Variants in SLC6A2 observed in about 807,000 individuals in gnomAD.
The protein encoded by SLC6A2 is sodium-dependent noradrenaline transporter.
Under a neutral mutation model 71.7 loss-of-function variants are expected in SLC6A2, and 26 were observed. The ratio of observed to expected loss-of-function variants is 0.36; its 90% CI spans 0.27 to 0.50. The LOEUF (loss-of-function observed/expected upper bound fraction) is 0.50. SLC6A2 is among the 20% of genes least tolerant of loss of function. The pLI is 0.96. For synonymous variants in SLC6A2, 363 were observed against 337.9 expected (o/e 1.07, Z -0.82); for missense variants, 581 against 803.9 (o/e 0.72, Z 3.35).
At chr16:55,663,789 G>T (rs1964673496) in intron 2 of SLC6A2, among the ~76,000 whole-genome samples, 3 of 152,076 alleles carry the variant, frequency 2.0e-5, no homozygotes, top group Admixed American at 2.0e-4. Flanking sequence ...CCTTCCATCT[G>T]CTCCCTTATC....
chr16:55,685,074 T>A (rs1238131289), intron 4 of SLC6A2, 69 bp from the exon 5 acceptor site: 2 of 1,502,322 alleles, frequency 1.3e-6, no homozygotes, highest in African/African-American at 2.8e-5. Flanking sequence ...GGGACTGGTC[T>A]GTGGTCACGG....
chr16:55,663,024 A>G (rs1964651821), intron 2 of SLC6A2, among the ~76,000 whole-genome samples: 1 of 152,160 alleles, frequency 6.6e-6, no homozygotes, highest in South Asian at 2.1e-4. Flanking sequence ...TCCCACAAGA[A>G]TGCCCCTCAC....
At position 55,703,405 on chromosome 16, in the gene SLC6A2, G is replaced by A. The variant is rs1966032790; in HGVS notation, c.*1059G>A. On this transcript the variant is annotated 3_prime_UTR_variant, in exon 15 of 15. Coordinates refer to ENST00000568943, the MANE Select transcript of SLC6A2 (RefSeq NM_001172501.3). ...TGGACCAGGGGTCTTGAGAAATGGA[G>A]AGTTGGCTGCAAAAACTCTCATGCA... The A allele has an allele frequency of 2.0e-6, 2 of 985,376 alleles. No homozygotes were observed. The highest frequency in any genetic ancestry group is 2.4e-6 in the Non-Finnish European group (2 of 829,982). The allele number at this position is 985,376 out of a possible 1,614,324, so 61.0% of individuals were successfully genotyped here.
Position 55,700,360 on chromosome 16 carries a change from A to C in SLC6A2, c.1758+54A>C, listed in dbSNP as rs367745890. ...GGGTGGGAGGGGGCTGAGGGGGAAG[A>C]CGGGACGACTCTCATTCCTGTTGGG... is the stretch of plus-strand genomic sequence containing the variant. On this transcript the variant is annotated intron_variant, in intron 13 of 14. Transcript: ENST00000568943. 6.1e-3 allele frequency: 9,100 copies of C among 1,481,606 alleles called. 471 individuals are homozygous for C. The South Asian group carries it at 0.092, about 15-fold the overall frequency. The allele number at this position is 1,481,606 out of a possible 1,614,324, so 91.8% of individuals were successfully genotyped here. A position where few individuals can be genotyped will look rare whatever the true frequency, so the allele number is the denominator to read the frequency against.
chr16:55,682,846 G>A (rs879641277), intron 4 of SLC6A2, among the ~76,000 whole-genome samples: 3 of 152,090 alleles, frequency 2.0e-5, no homozygotes, highest in South Asian at 2.1e-4. Flanking sequence ...CTCGTTTTGG[G>A]GGCCCCTGCA....
chr16:55,701,350 C>T (rs1965966230), intron 13 of SLC6A2, among the ~76,000 whole-genome samples: 1 of 152,180 alleles, frequency 6.6e-6, no homozygotes, highest in Non-Finnish European at 1.5e-5. Flanking sequence ...CCTGAGCCTT[C>T]TATTCTTCAC....
At chr16:55,676,299 A>G (rs1395775264) in intron 4 of SLC6A2, among the ~76,000 whole-genome samples, 1 of 152,120 alleles carries the variant, frequency 6.6e-6, no homozygotes, top group Admixed American at 6.5e-5. Flanking sequence ...ACCTCTTACC[A>G]TGTGTATGAG....
intron 4 of SLC6A2, among the ~76,000 whole-genome samples, chr16:55,684,023 T>A (rs1392438577): frequency 6.6e-6 from 1 of 151,936 alleles, no homozygotes; most frequent in Non-Finnish European, 1.5e-5. Flanking sequence ...TTAGGCCAGG[T>A]GTGGTGGCTC....
At chr16:55,688,696 A>G (rs1412929934) in intron 5 of SLC6A2, among the ~76,000 whole-genome samples, 11 of 152,204 alleles carry the variant, frequency 7.2e-5, no homozygotes, top group Admixed American at 6.5e-4. Flanking sequence ...TCTGACAAGC[A>G]CCTAGGTGAT....
At chr16:55,682,356 C>T (rs62028847) in intron 4 of SLC6A2, among the ~76,000 whole-genome samples, 1 of 152,170 alleles carries the variant, frequency 6.6e-6, no homozygotes, top group African/African-American at 2.4e-5. Context: ...AAATTTGCCA[C>T]AAGTGATGGG....
intron 5 of SLC6A2, among the ~76,000 whole-genome samples, chr16:55,685,965 C>T (rs1037690902): frequency 6.6e-6 from 1 of 152,148 alleles, no homozygotes; most frequent in South Asian, 2.1e-4. Flanking sequence ...CAAGGAACAT[C>T]ATGGGAACAA....
chr16:55,666,200 C>G (rs1964745367), intron 2 of SLC6A2, among the ~76,000 whole-genome samples: 1 of 152,166 alleles, frequency 6.6e-6, no homozygotes, highest in African/African-American at 2.4e-5. Context: ...ACTCTCGGAC[C>G]CTGTGTGAGG....
rs763710818 is a variant in SLC6A2, at chr16:55,656,647, C to T, written c.-48C>T. ...TCTTTTCCCTTTATCCAAGCAGAGCCTCGGCGTGCCCCCAGGACCGGTAAA... is the reference window on the plus strand; with the variant it reads ...TCTTTTCCCTTTATCCAAGCAGAGCTTCGGCGTGCCCCCAGGACCGGTAAA... On this transcript the variant is annotated 5_prime_UTR_variant, in exon 2 of 15. Transcript: ENST00000568943. This position sits in a 1 kb window ranked among gnomAD's most constrained non-coding sequence, Gnocchi z 4.5. 6.2e-7 allele frequency: 1 copy of T among 1,609,496 alleles called. No individual in the cohort carries two copies. Among genetic ancestry groups the T allele is most frequent in the South Asian group, 1.1e-5 (1 of 90,880 alleles).
chr16:55,700,408 A>C (rs1374246777), intron 13 of SLC6A2, 102 bp downstream of exon 13: 1 of 1,066,844 alleles, frequency 9.4e-7, no homozygotes, highest in Non-Finnish European at 1.3e-6. Context: ...ACAGAAGGAC[A>C]CAGACACTAG....
At chr16:55,677,076 G>T (rs531017965) in intron 4 of SLC6A2, among the ~76,000 whole-genome samples, 9 of 152,152 alleles carry the variant, frequency 5.9e-5, no homozygotes, top group African/African-American at 1.7e-4. Context: ...TACACACTGC[G>T]CTCTTCTGTC....
rs149837833 is a variant in SLC6A2 at position 55,656,535 on chromosome 16, C to T, written c.-51-109C>T. ...CGCCCTTTTCTGGGAACCCTGCGTC[C>T]GCTCAGCGCGCGCTCATCCCAGTGT... On this transcript the variant is annotated intron_variant, in intron 1 of 14. Coordinates refer to ENST00000568943, the MANE Select transcript of SLC6A2 (RefSeq NM_001172501.3). This position sits in a 1 kb window ranked among gnomAD's most constrained non-coding sequence, Gnocchi z 4.5. 4 of 879,710 alleles carry T rather than the reference C, an allele frequency of 4.5e-6. No individual in the cohort carries two copies. In the Admixed American group the frequency reaches 6.1e-5, roughly 13 times the overall value. The allele number at this position is 879,710 out of a possible 1,614,324, so 54.5% of individuals were successfully genotyped here.
At chr16:55,677,635 G>A (rs1965133195) in intron 4 of SLC6A2, among the ~76,000 whole-genome samples, 1 of 151,572 alleles carries the variant, frequency 6.6e-6, no homozygotes, top group South Asian at 2.1e-4. Flanking sequence ...ATGGTTGGGG[G>A]ATGCAGGTAG....
intron 9 of SLC6A2, among the ~76,000 whole-genome samples, chr16:55,696,842 A>G (rs1046203761): frequency 6.6e-6 from 1 of 152,036 alleles, no homozygotes; most frequent in Non-Finnish European, 1.5e-5. Context: ...AAATTAGCTG[A>G]GCATGGTGTT....
chr16:55,688,037 G>C (rs1433001970), intron 5 of SLC6A2, among the ~76,000 whole-genome samples: 2 of 152,254 alleles, frequency 1.3e-5, no homozygotes, highest in Admixed American at 6.5e-5. Flanking sequence ...GTCCCTCAGT[G>C]TTCTGACCAC....
Sources: allele counts gnomAD v4.1 joint callset (sites outside exome capture counted in the v4.1 genomes callset), GRCh38; gene constraint gnomAD v4.1.1; non-coding constraint Gnocchi (gnomAD v3.1); transcripts MANE v1.5; gene names NCBI Gene and HGNC (gene_info 2026-07-23, HGNC 2026-07-21).